The following CDH13 variants were observed in gnomAD, a reference collection of about 807,000 sequenced individuals.
CDH13 encodes the protein cadherin-13.
A neutral mutation model predicts 63.8 loss-of-function variants in CDH13; 24 were observed. The ratio of observed to expected loss-of-function variants is 0.38; its 90% CI spans 0.27 to 0.53. The LOEUF (loss-of-function observed/expected upper bound fraction) is 0.53. Among genes scored for constraint, CDH13 ranks in the 20% least tolerant of loss-of-function variants. The pLI is 0.85. For missense variants in CDH13, 1,049 were observed against 903.1 expected (o/e 1.16, Z -2.07); for synonymous variants, 503 against 355.3 (o/e 1.42, Z -4.67).
At chr16:83,271,925 C>G (rs1268268803) in intron 5 of CDH13, among the ~76,000 whole-genome samples, 1 of 152,174 alleles carries the variant, frequency 6.6e-6, no homozygotes, top group East Asian at 1.9e-4. Context: ...ATATGAAGAT[C>G]TTGTCACCGG....
chr16:83,156,946 G>C (rs756608346), intron 4 of CDH13, among the ~76,000 whole-genome samples: 14 of 152,092 alleles, frequency 9.2e-5, no homozygotes, highest in Non-Finnish European at 1.6e-4. Flanking sequence ...CTCTTCAAAG[G>C]AGCAATTTTC....
At chr16:82,783,503 G>A (rs1412012963) in intron 1 of CDH13, among the ~76,000 whole-genome samples, 1 of 152,212 alleles carries the variant, frequency 6.6e-6, no homozygotes, top group Admixed American at 6.5e-5. Context: ...CCCAGGAGGT[G>A]GGGTCCCAGT....
chr16:83,260,818 A>G (rs556040053), intron 5 of CDH13, among the ~76,000 whole-genome samples: 2 of 152,296 alleles, frequency 1.3e-5, no homozygotes, highest in African/African-American at 4.8e-5. Flanking sequence ...TTGAATATTT[A>G]AAAGCCACTT....
chr16:83,161,194 A>C (rs2037429021), intron 4 of CDH13, among the ~76,000 whole-genome samples: 1 of 152,170 alleles, frequency 6.6e-6, no homozygotes, highest in South Asian at 2.1e-4. Flanking sequence ...AAATTAATTA[A>C]AGCCTCCAGT....
chr16:82,726,804 C>CT (rs2033122427), intron 1 of CDH13, among the ~76,000 whole-genome samples: 1 of 152,204 alleles, frequency 6.6e-6, no homozygotes, highest in East Asian at 1.9e-4. Flanking sequence ...GAATTACTGT[C>CT]TCATGGAATT....
chr16:83,158,003 C>G (rs777266194), intron 4 of CDH13, among the ~76,000 whole-genome samples: 1 of 152,140 alleles, frequency 6.6e-6, no homozygotes, highest in Non-Finnish European at 1.5e-5. Flanking sequence ...CAGCCCCCAA[C>G]CAATGCATGC....
chr16:83,253,876 G>A (rs947217426), intron 5 of CDH13, among the ~76,000 whole-genome samples: 2 of 152,132 alleles, frequency 1.3e-5, no homozygotes, highest in Non-Finnish European at 1.5e-5. Flanking sequence ...TACTTTCTAG[G>A]TATACACATG....
At chr16:83,788,421 C>A (rs1916028467) in intron 13 of CDH13, among the ~76,000 whole-genome samples, 1 of 151,750 alleles carries the variant, frequency 6.6e-6, no homozygotes, top group African/African-American at 2.4e-5. Flanking sequence ...AATACACATT[C>A]TGCTACCAAC....
chr16:82,809,012 C>T (rs1044484761), intron 1 of CDH13, among the ~76,000 whole-genome samples: 19 of 151,858 alleles, frequency 1.3e-4, no homozygotes, highest in Admixed American at 7.2e-4. Context: ...TATATATACA[C>T]GTTATATATA....
intron 2 of CDH13, chr16:82,953,764 T>G (rs1330098772): frequency 6.6e-6 from 1 of 152,126 alleles, no homozygotes; most frequent in African/African-American, 2.4e-5. Context: ...GTCTCACATA[T>G]GTAGGAAAGC....
At chr16:82,912,279 C>T (rs371247620) in intron 2 of CDH13, among the ~76,000 whole-genome samples, 1 of 151,290 alleles carries the variant, frequency 6.6e-6, no homozygotes, top group South Asian at 2.1e-4. Flanking sequence ...GGAGTGAGCA[C>T]GAATGGACTC....
chr16:83,542,512 G>A (rs1219665641), intron 7 of CDH13, among the ~76,000 whole-genome samples: 3 of 152,220 alleles, frequency 2.0e-5, no homozygotes, highest in African/African-American at 7.2e-5. Context: ...TGCAACGGCT[G>A]TGGTAACAAA....
Position 83,486,480 on chromosome 16 carries a change from C to G in CDH13, c.785C>G (p.Thr262Ser). ...GHVMEGSPTG[T>S]TVMRMTAFDA... ...CCTTTCTGTCTTGCCCCGGTAGGCA[C>G]CACAGTGATGCGGATGACAGCCTTT... The change falls in exon 7 of 14, where the codon ACC becomes AGC. Residue 262 changes from threonine (T) to serine (S), a missense_variant. Transcript: ENST00000567109. 1 of 1,612,610 alleles carries G rather than the reference C, an allele frequency of 6.2e-7. No homozygotes were observed. The highest frequency in any genetic ancestry group is 8.5e-7 in the Non-Finnish European group (1 of 1,179,064).
rs143325344 is a variant in CDH13, at chr16:83,793,138, C to T, written c.2135-1885C>T. 2.0e-5 allele frequency among the ~76,000 whole-genome samples: 3 copies of T among 152,172 alleles called. No homozygotes were observed. The East Asian group carries it at 5.8e-4, about 29-fold the overall frequency. ...TGATGGAGCAAGACTGTAACAGAAG[C>T]CTGAGAGTGAGGAAGGGCTTTGCCA... On this transcript the variant is annotated intron_variant, in intron 13 of 13. Transcript: ENST00000567109.
intron 8 of CDH13, among the ~76,000 whole-genome samples, chr16:83,657,744 G>A (rs1912994397): frequency 6.6e-6 from 1 of 152,204 alleles, no homozygotes; most frequent in Admixed American, 6.5e-5. Flanking sequence ...CAATATCTGT[G>A]AACTCCTTGC....
At chr16:83,280,152 C>G (rs2089124033) in intron 5 of CDH13, among the ~76,000 whole-genome samples, 1 of 152,142 alleles carries the variant, frequency 6.6e-6, no homozygotes, top group African/African-American at 2.4e-5. Context: ...CAAAATCTTT[C>G]TCTGTAGCAT....
chr16:83,107,118 G>A (rs1263076571), intron 3 of CDH13, among the ~76,000 whole-genome samples: 2 of 152,164 alleles, frequency 1.3e-5, no homozygotes, highest in Non-Finnish European at 2.9e-5. Flanking sequence ...TTGGAGAGGT[G>A]ATTTCACTGA....
intron 3 of CDH13, among the ~76,000 whole-genome samples, chr16:83,039,198 T>C (rs1380936411): frequency 6.6e-6 from 1 of 152,228 alleles, no homozygotes; most frequent in Non-Finnish European, 1.5e-5. Context: ...ATTCCTCAAA[T>C]GCACCTGATC....
chr16:83,337,621 ATTTTTTT>A (rs66957563), intron 5 of CDH13, among the ~76,000 whole-genome samples: 3 of 52,246 alleles, frequency 5.7e-5, no homozygotes, highest in South Asian at 2.1e-3. Context: ...TGACAAGCGT[ATTTTTTT>A]TTTTTTTTTT....
Sources: allele counts gnomAD v4.1 joint callset (sites outside exome capture counted in the v4.1 genomes callset), GRCh38; gene constraint gnomAD v4.1.1; transcripts MANE v1.5; gene names NCBI Gene and HGNC (gene_info 2026-07-23, HGNC 2026-07-21).